The following ZNF638 variants were observed in gnomAD, a reference collection of about 807,000 sequenced individuals.
ZNF638 encodes zinc finger protein 638.
A neutral mutation model predicts 195.6 loss-of-function variants in ZNF638; 46 were observed. The observed-to-expected ratio is 0.24, with a 90% CI of 0.19 to 0.30. The LOEUF (loss-of-function observed/expected upper bound fraction) is 0.30, where lower values mean the gene tolerates loss of function less well. Ranked by LOEUF, ZNF638 falls within the 10% of genes least tolerant of loss-of-function variation. ZNF638 has a pLI of 1.00. For synonymous variants in ZNF638, 845 were observed against 772.0 expected, an observed-to-expected ratio of 1.09 and a Z score of -1.57; for missense variants, 2,440 against 2,325.3, an observed-to-expected ratio of 1.05 and a Z score of -1.01.
chr2:71,380,184 A>C, intron 8 of ZNF638, 38 bp from the exon 9 acceptor site: 2 of 1,311,800 alleles, frequency 1.5e-6, no homozygotes, highest in Non-Finnish European at 2.1e-6. Context: ...ATTGCTTTAT[A>C]CTAAATTTCT....
intron 10 of ZNF638, 32 bp downstream of exon 10, chr2:71,380,597 G>T: frequency 6.4e-7 from 1 of 1,551,584 alleles, no homozygotes; most frequent in South Asian, 1.2e-5. Context: ...TCTTTCAAAT[G>T]AGTGTATCTT....
Position 71,423,735 on chromosome 2 carries a change from A to G in ZNF638, c.4221A>G (p.Thr1407=), listed in dbSNP as rs3198781. Residue 1407 remains threonine (T), a synonymous_variant, in exon 22 of 28, where the codon ACA becomes ACG. Coordinates refer to ENST00000264447, the MANE Select transcript of ZNF638 (RefSeq NM_014497.5). The part of the protein sequence containing the change: ...VIVSSPKAKA[T]VSKTENQKSF... The stretch of plus-strand genomic sequence containing the variant: ...TCTCTTCTCCTAAGGCAAAAGCTAC[A>G]GTTTCAAAAACTGAAAATCAGAAAA... 1 of 1,613,960 alleles carries G rather than the reference A, an allele frequency of 6.2e-7. No individual in the cohort carries two copies. Among genetic ancestry groups the G allele is most frequent in the Non-Finnish European group, 8.5e-7 (1 of 1,180,026 alleles).
chr2:71,400,199 T>C lies in ZNF638; in HGVS notation c.2656+19T>C, dbSNP rs780854313. Reference sequence around the variant, plus strand: ...ATTTCTGGTAGGTCAATAGAAATTTTATTTTGTTCTTTACTTATTTTAATT... The same window carrying C: ...ATTTCTGGTAGGTCAATAGAAATTTCATTTTGTTCTTTACTTATTTTAATT... On this transcript the variant is annotated intron_variant, in intron 14 of 27. Coordinates refer to ENST00000264447, the MANE Select transcript of ZNF638 (RefSeq NM_014497.5). 1 of 1,585,958 alleles carries C rather than the reference T, an allele frequency of 6.3e-7. No individual in the cohort carries two copies. Among genetic ancestry groups the C allele is most frequent in the Non-Finnish European group, 8.6e-7 (1 of 1,163,900 alleles).
chr2:71,401,370 G>A (rs1318614111), intron 15 of ZNF638, among the ~76,000 whole-genome samples: 2 of 152,082 alleles, frequency 1.3e-5, no homozygotes, highest in Non-Finnish European at 2.9e-5. Context: ...TTGCATTGAG[G>A]ATTGGGTTGT....
chr2:71,399,474 A>G (rs1035444739), intron 12 of ZNF638, 85 bp from the exon 13 acceptor site: 7 of 897,668 alleles, frequency 7.8e-6, no homozygotes, highest in African/African-American at 7.0e-5. Flanking sequence ...AATAAAGTCA[A>G]ACTAATTTAC....
At chr2:71,354,311 C>T (rs1194232947) in intron 2 of ZNF638, among the ~76,000 whole-genome samples, 1 of 147,562 alleles carries the variant, frequency 6.8e-6, no homozygotes, top group Middle Eastern at 3.3e-3. Flanking sequence ...ATTGTTTCAC[C>T]TTGGAAACTG....
intron 23 of ZNF638, 66 bp downstream of exon 23, chr2:71,424,781 T>C: frequency 6.1e-6 from 8 of 1,309,372 alleles, no homozygotes; most frequent in Non-Finnish European, 5.4e-6. Flanking sequence ...ATCTATCTTA[T>C]AACTTGTGCC....
chr2:71,434,654 T>C, intron 27 of ZNF638, 88 bp from the exon 28 acceptor site: 1 of 1,113,474 alleles, frequency 9.0e-7, no homozygotes, highest in East Asian at 2.6e-5. Flanking sequence ...TCAGTTTCTT[T>C]TAAATTATAA....
intron 11 of ZNF638, among the ~76,000 whole-genome samples, chr2:71,397,732 GCT>G (rs1274342020): frequency 2.6e-5 from 4 of 152,108 alleles, no homozygotes; most frequent in African/African-American, 9.7e-5. Context: ...ATCTTCTGTT[GCT>G]CTCTGAATGG....
At chr2:71,371,803 A>G (rs2079319140) in intron 8 of ZNF638, among the ~76,000 whole-genome samples, 1 of 151,082 alleles carries the variant, frequency 6.6e-6, no homozygotes, top group Admixed American at 6.6e-5. Flanking sequence ...TTCCTTATAT[A>G]TTCTGGTTAT....
chr2:71,424,120 T>G, intron 22 of ZNF638, 82 bp downstream of exon 22: 1 of 1,503,276 alleles, frequency 6.7e-7, no homozygotes, highest in African/African-American at 1.4e-5. Context: ...GGAGATGTAA[T>G]TTTGTTTCAT....
chr2:71,340,586 T>A (rs1305149069), intron 1 of ZNF638, among the ~76,000 whole-genome samples: 3 of 152,210 alleles, frequency 2.0e-5, no homozygotes, highest in African/African-American at 7.2e-5. Context: ...GGTATATGGG[T>A]GTATGTCTAG....
chr2:71,385,083 G>A (rs924326586), intron 10 of ZNF638, among the ~76,000 whole-genome samples: 2 of 152,098 alleles, frequency 1.3e-5, no homozygotes, highest in African/African-American at 2.4e-5. Context: ...ATCAAATACT[G>A]ACAAAGACAC....
chr2:71,375,530 C>T (rs796199151), intron 8 of ZNF638: 13 of 151,882 alleles, frequency 8.6e-5, no homozygotes, highest in African/African-American at 3.1e-4. Context: ...AGAGTGAGTT[C>T]CCCAGCAGCA....
intron 1 of ZNF638, among the ~76,000 whole-genome samples, chr2:71,345,471 A>G (rs1180446856): frequency 2.0e-5 from 3 of 152,160 alleles, no homozygotes; most frequent in African/African-American, 7.2e-5. Context: ...AGCTCAGTGC[A>G]GCCTTGACAT....
rs1404645146 is a variant in ZNF638 at position 71,433,271 on chromosome 2, G to A, written c.5859G>A (p.Lys1953=). 1 of 1,609,580 alleles carries A rather than the reference G, an allele frequency of 6.2e-7. No homozygotes were observed. The highest frequency in any genetic ancestry group is 8.5e-7 in the Non-Finnish European group (1 of 1,176,674). ...ATCACTGCAAGAGTACACGTCATAAGCAAAATACTGAGGTAATTTTAAAAA... is the reference window on the plus strand; with the variant it reads ...ATCACTGCAAGAGTACACGTCATAAACAAAATACTGAGGTAATTTTAAAAA... ...MTNHCKSTRH[K]QNTEKFMAKQ... The change falls in exon 27 of 28, where the codon AAG becomes AAA. Residue 1953 remains lysine (K), a synonymous_variant. Coordinates refer to ENST00000264447, the MANE Select transcript of ZNF638 (RefSeq NM_014497.5).
intron 1 of ZNF638, chr2:71,333,077 G>A (rs975866098): frequency 3.9e-5 from 6 of 152,100 alleles, no homozygotes; most frequent in African/African-American, 1.4e-4. Context: ...ACCAAAAAAA[G>A]GTGAATTTAA....
chr2:71,411,448 T>A (rs1300354512), intron 20 of ZNF638, among the ~76,000 whole-genome samples: 10 of 119,964 alleles, frequency 8.3e-5, no homozygotes, highest in South Asian at 3.0e-4. Context: ...TTATTTTTTT[T>A]ATTTATTTTT....
intron 10 of ZNF638, among the ~76,000 whole-genome samples, chr2:71,382,944 G>A (rs190359828): frequency 6.6e-6 from 1 of 152,300 alleles, no homozygotes; most frequent in East Asian, 1.9e-4. Flanking sequence ...CCTCACATTT[G>A]TGGGTATGAT....
Sources: gnomAD v4.1 joint callset for allele counts (sites outside exome capture counted in the v4.1 genomes callset) on GRCh38, gnomAD v4.1.1 for gene constraint, MANE v1.5 for transcripts, NCBI Gene and HGNC (gene_info 2026-07-23, HGNC 2026-07-21) for gene names.